Variants in CADPS2 observed in about 807,000 individuals in gnomAD.
The protein encoded by CADPS2 is calcium-dependent secretion activator 2.
Under a neutral mutation model 172.5 loss-of-function variants are expected in CADPS2, and 93 were observed. The ratio of observed to expected loss-of-function variants is 0.54; its 90% confidence interval spans 0.46 to 0.64. The LOEUF is 0.64. CADPS2 is among the 30% of genes least tolerant of loss of function. The pLI, the probability that CADPS2 is intolerant of heterozygous loss-of-function variation, is 0.00. For synonymous variants in CADPS2, 546 were observed against 555.2 expected (o/e 0.98, Z 0.23); for missense variants, 1,420 against 1,565.9 (o/e 0.91, Z 1.57).
At chr7:122,513,916 T>C (rs12668539) in intron 8 of CADPS2, among the ~76,000 whole-genome samples, 65,718 of 152,030 alleles carry the variant, frequency 0.43, 14,574 homozygotes, top group African/African-American at 0.53. Context: ...GTTTTAACTA[T>C]AAAATTCTGA....
intron 14 of CADPS2, among the ~76,000 whole-genome samples, chr7:122,469,596 C>G (rs895219007): frequency 1.3e-5 from 2 of 152,116 alleles, no homozygotes; most frequent in African/African-American, 4.8e-5. Flanking sequence ...AATTTCAAAT[C>G]AAGGCTGGGC....
chr7:122,591,441 C>T (rs1232908501), intron 6 of CADPS2, among the ~76,000 whole-genome samples: 2 of 152,018 alleles, frequency 1.3e-5, no homozygotes, highest in Non-Finnish European at 2.9e-5. Context: ...AATGTCATCC[C>T]CATCAAGCTA....
chr7:122,345,488 G>A (rs1176822024), intron 28 of CADPS2, 86 bp downstream of exon 28: 8 of 806,094 alleles, frequency 9.9e-6, no homozygotes, highest in Middle Eastern at 4.8e-4. Context: ...AGGAGACTAT[G>A]CTTTGCAAAC....
At chr7:122,800,615 A>G (rs1285394105) in intron 1 of CADPS2, among the ~76,000 whole-genome samples, 9 of 152,224 alleles carry the variant, frequency 5.9e-5, no homozygotes, top group Non-Finnish European at 1.3e-4. Flanking sequence ...AGTAAAAAAA[A>G]GGAACCACAT....
chr7:122,622,435 C>T (rs1444081004), intron 4 of CADPS2, among the ~76,000 whole-genome samples: 1 of 152,182 alleles, frequency 6.6e-6, no homozygotes, highest in Non-Finnish European at 1.5e-5. Context: ...ATTATATCAG[C>T]ATTGCCATTC....
At chr7:122,673,950 G>A (rs553955402) in intron 2 of CADPS2, among the ~76,000 whole-genome samples, 40 of 152,226 alleles carry the variant, frequency 2.6e-4, no homozygotes, top group Admixed American at 5.2e-4. Flanking sequence ...AGGGCATGGC[G>A]GGCTGCAGGT....
At chr7:122,788,319 T>A (rs1794523833) in intron 1 of CADPS2, among the ~76,000 whole-genome samples, 2 of 152,212 alleles carry the variant, frequency 1.3e-5, no homozygotes, top group Non-Finnish European at 2.9e-5. Context: ...CTGGAGGATC[T>A]AAGTTACTCT....
chr7:122,559,229 T>C (rs968804821), intron 7 of CADPS2, among the ~76,000 whole-genome samples: 3 of 152,022 alleles, frequency 2.0e-5, no homozygotes, highest in Non-Finnish European at 4.4e-5. Flanking sequence ...AAAATAAAGA[T>C]ATGGGGGCTG....
intron 1 of CADPS2, among the ~76,000 whole-genome samples, chr7:122,878,638 TCAAATAAA>T (rs1821976228): frequency 9.7e-6 from 1 of 103,546 alleles, no homozygotes; most frequent in Non-Finnish European, 1.9e-5. Flanking sequence ...AGACTCTGTC[TCAAATAAA>T]TAAATAAATA....
At chr7:122,344,538 T>C (rs1055657608) in intron 28 of CADPS2, among the ~76,000 whole-genome samples, 2 of 152,188 alleles carry the variant, frequency 1.3e-5, no homozygotes, top group African/African-American at 4.8e-5. Flanking sequence ...TTAGTGCTGA[T>C]AAAACTGTAA....
At chr7:122,581,343 C>T (rs1352748457) in intron 6 of CADPS2, 53 bp from the exon 7 acceptor site, 2 of 1,409,948 alleles carry the variant, frequency 1.4e-6, no homozygotes, top group Non-Finnish European at 2.0e-6. Context: ...TTTTTTTCCC[C>T]AAGGAGATGT....
chr7:122,425,062 C>T (rs1458530022), intron 17 of CADPS2, among the ~76,000 whole-genome samples: 2 of 152,052 alleles, frequency 1.3e-5, no homozygotes, highest in Non-Finnish European at 2.9e-5. Context: ...TCACTGCAGC[C>T]TCGAACCCCC....
intron 20 of CADPS2, among the ~76,000 whole-genome samples, chr7:122,393,852 A>G (rs1203902021): frequency 6.6e-6 from 1 of 152,152 alleles, no homozygotes; most frequent in East Asian, 1.9e-4. Flanking sequence ...TTATTTTCTA[A>G]GAGGTTTAAC....
chr7:122,503,568 T>C (rs901090882), intron 9 of CADPS2, among the ~76,000 whole-genome samples: 2 of 152,184 alleles, frequency 1.3e-5, no homozygotes, highest in African/African-American at 4.8e-5. Flanking sequence ...TGTTGTCTTT[T>C]ACAGAGATAT....
chr7:122,718,052 ACTC>A (rs1288285140), intron 2 of CADPS2, among the ~76,000 whole-genome samples: 1 of 123,844 alleles, frequency 8.1e-6, no homozygotes, highest in Non-Finnish European at 1.6e-5. Context: ...CTGGTCTCGA[ACTC>A]CTGGACTCAA....
rs1018650241 is a variant in CADPS2 at position 122,503,280 on chromosome 7, C to G, written c.1542+9969G>C. On this transcript the variant is annotated intron_variant, in intron 9 of 29. Transcript: ENST00000449022. ...TGAACTCCTGACCTTGTGATCTGCT[C>G]GCCTCGGCCTCCCAAAATGCTGGGA... 2.6e-5 allele frequency among the ~76,000 whole-genome samples: 4 copies of G among 152,064 alleles called. No homozygotes were observed. In the East Asian group the frequency reaches 7.7e-4, roughly 29 times the overall value.
chr7:122,516,180 C>T (rs2060361034), intron 8 of CADPS2, among the ~76,000 whole-genome samples: 2 of 151,946 alleles, frequency 1.3e-5, no homozygotes, highest in Admixed American at 1.3e-4. Flanking sequence ...ATCAAGTATC[C>T]CTATCTAGCT....
At chr7:122,736,558 A>G (rs774022758) in intron 2 of CADPS2, among the ~76,000 whole-genome samples, 5 of 152,202 alleles carry the variant, frequency 3.3e-5, no homozygotes, top group Admixed American at 2.0e-4. Flanking sequence ...TCCTCTTGAA[A>G]TTAGTTACTA....
intron 1 of CADPS2, among the ~76,000 whole-genome samples, chr7:122,790,412 A>AAAAG (rs1795049781): frequency 6.6e-6 from 1 of 151,762 alleles, no homozygotes; most frequent in African/African-American, 2.4e-5. Flanking sequence ...AAAAAAAAAA[A>AAAAG]AAAAGAAAAG....
Sources: allele counts gnomAD v4.1 joint callset (sites outside exome capture counted in the v4.1 genomes callset), GRCh38; gene constraint gnomAD v4.1.1; transcripts MANE v1.5; gene names NCBI Gene and HGNC (gene_info 2026-07-23, HGNC 2026-07-21).